Variants in TBC1D8 observed in about 807,000 individuals in gnomAD.
TBC1D8 encodes the protein BUB2-like protein 1.
In TBC1D8, 65 loss-of-function variants were observed where a neutral mutation model predicts 118.8. The ratio of observed to expected loss-of-function variants is 0.55; its 90% CI spans 0.45 to 0.67. The LOEUF is 0.67. Ranked by LOEUF, TBC1D8 falls within the 30% of genes least tolerant of loss-of-function variation. The pLI is 0.00. For synonymous variants in TBC1D8, 566 were observed against 595.8 expected, an observed-to-expected ratio of 0.95 and a Z score of 0.73; for missense variants, 1,376 against 1,471.2, an observed-to-expected ratio of 0.94 and a Z score of 1.06.
At chr2:101,071,863 T>C (rs1052817089) in intron 2 of TBC1D8, among the ~76,000 whole-genome samples, 3 of 152,188 alleles carry the variant, frequency 2.0e-5, no homozygotes, top group African/African-American at 7.2e-5. Context: ...AATCAAAAAA[T>C]AAAATGGTGC....
intron 15 of TBC1D8, 76 bp from the exon 16 acceptor site, chr2:101,022,597 AATAAATT>A (rs1187479994): frequency 2.0e-6 from 3 of 1,513,206 alleles, no homozygotes; most frequent in East Asian, 4.8e-5. Flanking sequence ...CAAATACAAT[AATAAATT>A]ACTCACAATC....
intron 1 of TBC1D8, among the ~76,000 whole-genome samples, chr2:101,091,256 G>T (rs1207722145): frequency 2.6e-5 from 4 of 152,184 alleles, no homozygotes; most frequent in Admixed American, 6.5e-5. Flanking sequence ...TTGCACTCCA[G>T]CCTGGGCAAC....
At position 101,009,936 on chromosome 2, in the gene TBC1D8, C is replaced by T. The variant is rs368224631; in HGVS notation, c.3015+993G>A. ...TCCCGGGTTCATGCCATTCTCCTGC[C>T]TCAGCCTCCCGAGTAGCTGGGACTA... On this transcript the variant is annotated intron_variant, in intron 19 of 19. Transcript: ENST00000409318. Among the ~76,000 whole-genome samples, 9 of 151,846 alleles carry T rather than the reference C, an allele frequency of 5.9e-5. 1 individual carries two copies. The South Asian group carries it at 1.9e-3, about 32-fold the overall frequency.
chr2:101,035,108 G>C (rs1488786509), intron 9 of TBC1D8, among the ~76,000 whole-genome samples: 1 of 152,166 alleles, frequency 6.6e-6, no homozygotes, highest in Non-Finnish European at 1.5e-5. Context: ...TAGGACAAGA[G>C]ATGCTTCCAG....
intron 1 of TBC1D8, 65 bp downstream of exon 1, chr2:101,151,062 C>G: frequency 1.0e-6 from 1 of 972,388 alleles, no homozygotes; most frequent in Non-Finnish European, 1.2e-6. Flanking sequence ...GACTGGGGGC[C>G]GCGGGCCCGG....
chr2:101,134,100 G>A (rs556398392), intron 1 of TBC1D8, among the ~76,000 whole-genome samples: 1 of 152,126 alleles, frequency 6.6e-6, no homozygotes, highest in East Asian at 1.9e-4. Flanking sequence ...CCCTATCAGG[G>A]TTAGAATTTC....
intron 2 of TBC1D8, among the ~76,000 whole-genome samples, chr2:101,079,306 A>G (rs1447084891): frequency 2.6e-5 from 4 of 152,196 alleles, no homozygotes; most frequent in African/African-American, 4.8e-5. Flanking sequence ...GAAGTTACCA[A>G]CTGGTTCTGT....
At position 101,050,637 on chromosome 2, in the gene TBC1D8, T is replaced by A; in HGVS notation, c.636A>T (p.Lys212Asn). The change falls in exon 5 of 20, where the codon AAA (lysine) becomes AAT (asparagine). Residue 212 changes from lysine (K) to asparagine (N), a missense_variant. Lys to Asn is a moderately conservative substitution (Grantham distance 94). Transcript: ENST00000409318. The stretch of plus-strand genomic sequence containing the variant: ...GGATATCAACCCACGGAACCACAAG[T>A]TTAACTGTAAGAGAAAAGGGTGAAA... ...FYSFFLGKEL[K>N]LVVPWVDIQK... 1 of 1,613,310 alleles carries A rather than the reference T, an allele frequency of 6.2e-7. No individual in the cohort carries two copies. The highest frequency in any genetic ancestry group is 8.5e-7 in the Non-Finnish European group (1 of 1,179,662).
intron 1 of TBC1D8, among the ~76,000 whole-genome samples, chr2:101,131,184 C>G (rs561530031): frequency 8.3e-4 from 127 of 152,302 alleles, no homozygotes; most frequent in African/African-American, 2.9e-3. Flanking sequence ...ACTATGGGCA[C>G]AAGTCACTGA....
chr2:101,037,409 G>A, intron 8 of TBC1D8, 123 bp downstream of exon 8: 1 of 1,361,694 alleles, frequency 7.3e-7, no homozygotes, highest in Non-Finnish European at 9.9e-7. Context: ...GAACAAGACG[G>A]AGGAGGAGCG....
intron 1 of TBC1D8, among the ~76,000 whole-genome samples, chr2:101,130,392 C>A (rs185409788): frequency 6.6e-6 from 1 of 152,188 alleles, no homozygotes; most frequent in Non-Finnish European, 1.5e-5. Context: ...CTTCCCCTCA[C>A]CAAGTCGGAC....
intron 1 of TBC1D8, among the ~76,000 whole-genome samples, chr2:101,091,829 T>C (rs185886662): frequency 1.3e-5 from 2 of 152,324 alleles, no homozygotes; most frequent in East Asian, 1.9e-4. Flanking sequence ...CCTTAACTAA[T>C]AGGCCCTGAA....
At chr2:101,074,624 A>G (rs1375514251) in intron 2 of TBC1D8, among the ~76,000 whole-genome samples, 1 of 152,224 alleles carries the variant, frequency 6.6e-6, no homozygotes, top group East Asian at 1.9e-4. Context: ...ATCTCATTCA[A>G]CTATTCTTAA....
intron 1 of TBC1D8, among the ~76,000 whole-genome samples, chr2:101,132,047 T>G (rs1287226478): frequency 6.6e-6 from 1 of 152,198 alleles, no homozygotes; most frequent in African/African-American, 2.4e-5. Context: ...TGCATGTTCA[T>G]TTCACTTTTT....
rs941908344 is a variant in TBC1D8, at chr2:101,054,459, C to T, written c.403-123G>A. 9.1e-5 allele frequency: 85 copies of T among 932,424 alleles called. 1 individual carries two copies. In the Middle Eastern group the frequency reaches 1.2e-3, roughly 14 times the overall value. The allele number at this position is 932,424 out of a possible 1,614,324, so 57.8% of individuals were successfully genotyped here. A position where few individuals can be genotyped will look rare whatever the true frequency, so the allele number is the denominator to read the frequency against. ...CCCCGAGAAGTGTGCGCTGCTTCAACGACAGACACACCTGACGAGGAGAAT... is the reference window on the plus strand; with the variant it reads ...CCCCGAGAAGTGTGCGCTGCTTCAATGACAGACACACCTGACGAGGAGAAT... On this transcript the variant is annotated intron_variant, in intron 3 of 19. Coordinates refer to ENST00000409318, the MANE Select transcript of TBC1D8 (RefSeq NM_001330348.2).
intron 4 of TBC1D8, among the ~76,000 whole-genome samples, chr2:101,052,262 TTAAAAAAG>T (rs1682121716): frequency 6.6e-6 from 1 of 152,160 alleles, no homozygotes; most frequent in African/African-American, 2.4e-5. Context: ...TTATGAAACT[TTAAAAAAG>T]TAACATAGTA....
intron 1 of TBC1D8, among the ~76,000 whole-genome samples, chr2:101,137,930 T>C (rs1270421360): frequency 6.6e-6 from 1 of 152,196 alleles, no homozygotes; most frequent in Non-Finnish European, 1.5e-5. Context: ...TACCCGCGAC[T>C]GGGTAATTTC....
intron 1 of TBC1D8, among the ~76,000 whole-genome samples, chr2:101,124,983 TA>T (rs11361608): frequency 0.014 from 2,073 of 152,322 alleles, 51 homozygotes; most frequent in African/African-American, 0.047. Flanking sequence ...ATCCCACGGA[TA>T]AACAATCTAA....
chr2:101,148,427 T>C (rs1312107015), intron 1 of TBC1D8, among the ~76,000 whole-genome samples: 1 of 152,100 alleles, frequency 6.6e-6, no homozygotes, highest in Non-Finnish European at 1.5e-5. Flanking sequence ...ACAGGCAATT[T>C]AGCAATGAAA....
Sources: allele counts gnomAD v4.1 joint callset (sites outside exome capture counted in the v4.1 genomes callset), GRCh38; gene constraint gnomAD v4.1.1; transcripts MANE v1.5; gene names NCBI Gene and HGNC (gene_info 2026-07-23, HGNC 2026-07-21).